Variants in SHANK1 observed in about 807,000 individuals in gnomAD.
SHANK1 encodes the protein SH3 and multiple ankyrin repeat domains protein 1.
A neutral mutation model predicts 165.6 loss-of-function variants in SHANK1; 35 were observed. That is an observed-to-expected ratio of 0.21 (90% CI 0.16 to 0.28). The LOEUF (loss-of-function observed/expected upper bound fraction) is 0.28. Ranked by LOEUF, SHANK1 falls within the 10% of genes least tolerant of loss-of-function variation. The pLI is 1.00. For missense variants in SHANK1, 2,681 were observed against 3,036.4 expected, an observed-to-expected ratio of 0.88 and a Z score of 2.75; for synonymous variants, 1,428 against 1,384.8, an observed-to-expected ratio of 1.03 and a Z score of -0.69.
In SHANK1 at chr19:50,666,489, G is replaced by A. The variant is rs755137324; in HGVS notation, c.5471C>T (p.Pro1824Leu). 2.3e-5 allele frequency: 37 copies of A among 1,596,550 alleles called. 1 individual carries two copies. Among genetic ancestry groups the A allele is most frequent in the African/African-American group, 4.0e-5 (3 of 74,808 alleles). Reference sequence around the variant, plus strand: ...AGAGGAGGCCGTCGGCAAGGGCACCGGTGGGACTTCTGGCTCTACAGCCAC... The same window carrying A: ...AGAGGAGGCCGTCGGCAAGGGCACCAGTGGGACTTCTGGCTCTACAGCCAC... ...GPVAVEPEVP[P>L]VPLPTASSLP... is the part of the protein sequence containing the mutation. The change falls in exon 23 of 24, where the codon CCG becomes CTG. Residue 1824 changes from proline to leucine, a missense_variant. Coordinates refer to ENST00000293441, the MANE Select transcript of SHANK1 (RefSeq NM_016148.5).
chr19:50,712,189 A>G, intron 6 of SHANK1, 75 bp from the exon 7 acceptor site: 1 of 1,479,056 alleles, frequency 6.8e-7, no homozygotes. Flanking sequence ...CTGAAGGGCC[A>G]GGGGGACTGG....
rs2089084557 is a variant in SHANK1, at chr19:50,717,582, G to T, written c.-43-620C>A. Reference sequence around the variant, plus strand: ...CCGTCCCAGGGGAGCAAGGGGCACTGAGATGGGGGTGTCATGGGCAGAGCA... The same window carrying T: ...CCGTCCCAGGGGAGCAAGGGGCACTTAGATGGGGGTGTCATGGGCAGAGCA... On this transcript the variant is annotated intron_variant, in intron 1 of 23. Coordinates refer to ENST00000293441, the MANE Select transcript of SHANK1 (RefSeq NM_016148.5). This position sits in a 1 kb window ranked among gnomAD's most constrained non-coding sequence, Gnocchi z 5.5. Among the ~76,000 whole-genome samples, 2 of 152,194 alleles carry T rather than the reference G, an allele frequency of 1.3e-5. No individual in the cohort carries two copies. Among genetic ancestry groups the T allele is most frequent in the Admixed American group, 1.3e-4 (2 of 15,290 alleles).
chr19:50,702,834 A>G lies in SHANK1; in HGVS notation c.1554-174T>C, dbSNP rs939006933. Among the ~76,000 whole-genome samples, 1 of 151,332 alleles carries G rather than the reference A, an allele frequency of 6.6e-6. No individual in the cohort carries two copies. The highest frequency in any genetic ancestry group is 6.6e-5 in the Admixed American group (1 of 15,244). On this transcript the variant is annotated intron_variant, in intron 11 of 23. Coordinates refer to ENST00000293441, the MANE Select transcript of SHANK1 (RefSeq NM_016148.5). This position sits in a 1 kb window ranked among gnomAD's most constrained non-coding sequence, Gnocchi z 5.3. Reference sequence around the variant, plus strand: ...TTGGGGGCTCCCTCTGCCTGCCCGCAGCTGCCCCAACCAGCCCCCTCTCCT... The same window carrying G: ...TTGGGGGCTCCCTCTGCCTGCCCGCGGCTGCCCCAACCAGCCCCCTCTCCT...
intron 21 of SHANK1, among the ~76,000 whole-genome samples, chr19:50,683,036 T>C (rs1986224169): frequency 6.6e-6 from 1 of 152,144 alleles, no homozygotes; most frequent in Admixed American, 6.5e-5. Flanking sequence ...TTTGCCATGT[T>C]GCCCACTCTG....
intron 23 of SHANK1, among the ~76,000 whole-genome samples, chr19:50,664,778 G>A (rs764053654): frequency 4.0e-5 from 6 of 151,460 alleles, no homozygotes; most frequent in East Asian, 1.9e-4. Context: ...TTTTTGAGAC[G>A]GAGTCTCACT....
At chr19:50,715,931 T>C (rs2089064308) in intron 3 of SHANK1, among the ~76,000 whole-genome samples, 1 of 152,024 alleles carries the variant, frequency 6.6e-6, no homozygotes, top group Non-Finnish European at 1.5e-5. Flanking sequence ...GGTATTATGG[T>C]ATATGTGCAC....
intron 11 of SHANK1, 145 bp downstream of exon 11, chr19:50,703,355 G>C: frequency 1.5e-6 from 1 of 665,910 alleles, no homozygotes; most frequent in Middle Eastern, 3.9e-4. Flanking sequence ...AGCTCCCAAG[G>C]CCTTGCTTTA....
At position 50,662,594 on chromosome 19, in the gene SHANK1, G is replaced by C. The variant is rs1209532622; in HGVS notation, c.5857C>G (p.Pro1953Ala). 6.4e-7 allele frequency: 1 copy of C among 1,564,414 alleles called. No individual in the cohort carries two copies. Among genetic ancestry groups the C allele is most frequent in the Non-Finnish European group, 8.7e-7 (1 of 1,154,094 alleles). Reference sequence around the variant, plus strand: ...GTAGGGGAGACCCCTGTTCCGGTGGGGAGTGGCGGCAGAGGTGGTTTGGGC... The same window carrying C: ...GTAGGGGAGACCCCTGTTCCGGTGGCGAGTGGCGGCAGAGGTGGTTTGGGC... ...NWPKPPLPPLPTGTGVSPTAA... is the reference protein window; with the variant it reads ...NWPKPPLPPLATGTGVSPTAA... The change falls in exon 24 of 24, where the codon CCC (proline) becomes GCC (alanine). Residue 1953 changes from proline (P) to alanine (A), a missense_variant. By Grantham distance (27) the Pro-to-Ala change is conservative. Coordinates refer to ENST00000293441, the MANE Select transcript of SHANK1 (RefSeq NM_016148.5). The surrounding 1 kb of genome is among the most constrained non-coding windows in gnomAD (Gnocchi z 7.7).
In SHANK1 at chr19:50,701,325, G is replaced by A. The variant is rs554378363; in HGVS notation, c.1747+1142C>T. 2.7e-5 allele frequency among the ~76,000 whole-genome samples: 4 copies of A among 149,774 alleles called. No homozygotes were observed. The East Asian group carries it at 7.9e-4, about 30-fold the overall frequency. On this transcript the variant is annotated intron_variant, in intron 12 of 23. Transcript: ENST00000293441. ...GCCTCTCAAGTAGCTGGGATTACAAGTGCGTGCCACCACACCTGGCTAATT... is the reference window on the plus strand; with the variant it reads ...GCCTCTCAAGTAGCTGGGATTACAAATGCGTGCCACCACACCTGGCTAATT...
In SHANK1 at chr19:50,659,778, C is replaced by G. The variant is rs866794693; in HGVS notation, c.*2187G>C. On this transcript the variant is annotated 3_prime_UTR_variant, in exon 24 of 24. Coordinates refer to ENST00000293441, the MANE Select transcript of SHANK1 (RefSeq NM_016148.5). ...CCCCACCCCGACCTCTCCTCCCCCC[C>G]CCACCCCCTACACCCTCCCCAACCC... is the stretch of plus-strand genomic sequence containing the variant. 1.4e-5 allele frequency among the ~76,000 whole-genome samples: 2 copies of G among 144,070 alleles called. No homozygotes were observed. Among genetic ancestry groups the G allele is most frequent in the Admixed American group, 6.8e-5 (1 of 14,682 alleles). 94.5% of individuals were successfully genotyped at this position (144,070 alleles called of 152,430 possible). A position where few individuals can be genotyped will look rare whatever the true frequency, so the allele number is the denominator to read the frequency against.
At chr19:50,683,836 G>A (rs1487817565) in intron 21 of SHANK1, among the ~76,000 whole-genome samples, 1 of 152,170 alleles carries the variant, frequency 6.6e-6, no homozygotes, top group African/African-American at 2.4e-5. Flanking sequence ...ATTTCAGCGA[G>A]TAGGCAAATT....
In SHANK1 at chr19:50,686,915, G is replaced by T; in HGVS notation, c.2390-103C>A. On this transcript the variant is annotated intron_variant, in intron 19 of 23. Coordinates refer to ENST00000293441, the MANE Select transcript of SHANK1 (RefSeq NM_016148.5). This position sits in a 1 kb window ranked among gnomAD's most constrained non-coding sequence, Gnocchi z 5.7. ...CAGCAGGTGCGGGCCAGTGGGCGTG[G>T]CGGGCGCGAGAGGGGCAGTGAGGGG... The T allele has an allele frequency of 2.8e-6, 4 of 1,442,924 alleles. No individual in the cohort carries two copies. The highest frequency in any genetic ancestry group is 3.7e-6 in the Non-Finnish European group (4 of 1,072,240). The allele number at this position is 1,442,924 out of a possible 1,614,324, so 89.4% of individuals were successfully genotyped here.
chr19:50,686,977 G>A lies in SHANK1; in HGVS notation c.2390-165C>T. 1 of 1,407,446 alleles carries A rather than the reference G, an allele frequency of 7.1e-7. No homozygotes were observed. The highest frequency in any genetic ancestry group is 9.3e-7 in the Non-Finnish European group (1 of 1,076,460). The allele number at this position is 1,407,446 out of a possible 1,614,324, so 87.2% of individuals were successfully genotyped here. On this transcript the variant is annotated intron_variant, in intron 19 of 23. Coordinates refer to ENST00000293441, the MANE Select transcript of SHANK1 (RefSeq NM_016148.5). The surrounding 1 kb of genome is among the most constrained non-coding windows in gnomAD (Gnocchi z 5.7). ...GAGGGGCGAGTCCGCCGGCGGGGTC[G>A]GGAGACGGGGGCCCTCCCGCCAGTC... is the stretch of plus-strand genomic sequence containing the variant.
rs745847067 is a variant in SHANK1, at chr19:50,697,694, T to C, written c.1862-30A>G. The C allele has an allele frequency of 1.4e-5, 22 of 1,609,640 alleles. No homozygotes were observed. The East Asian group carries it at 3.3e-4, about 24-fold the overall frequency. Reference sequence around the variant, plus strand: ...AGGGTGACAACAGACAACCTTGGACTCTTGTTTTGGAAACCACAATCCCAG... The same window carrying C: ...AGGGTGACAACAGACAACCTTGGACCCTTGTTTTGGAAACCACAATCCCAG... On this transcript the variant is annotated intron_variant, in intron 13 of 23. Coordinates refer to ENST00000293441, the MANE Select transcript of SHANK1 (RefSeq NM_016148.5). This position sits in a 1 kb window ranked among gnomAD's most constrained non-coding sequence, Gnocchi z 4.7.
intron 21 of SHANK1, among the ~76,000 whole-genome samples, chr19:50,674,405 G>A (rs191113586): frequency 6.6e-6 from 1 of 152,180 alleles, no homozygotes; most frequent in African/African-American, 2.4e-5. Context: ...GCACCTTTGG[G>A]ATGAACCCTT....
chr19:50,716,513 A>C lies in SHANK1; in HGVS notation c.256-35T>G, dbSNP rs1329235003. On this transcript the variant is annotated intron_variant, in intron 2 of 23. Coordinates refer to ENST00000293441, the MANE Select transcript of SHANK1 (RefSeq NM_016148.5). The surrounding 1 kb of genome is among the most constrained non-coding windows in gnomAD (Gnocchi z 8.4). ...GAAGAGATAGGGGCTAGGGTGGGCC[A>C]GGGGCCAGAGGAGAGCCTGAGGTGG... 1 of 1,607,392 alleles carries C rather than the reference A, an allele frequency of 6.2e-7. No individual in the cohort carries two copies. The highest frequency in any genetic ancestry group is 1.7e-5 in the Admixed American group (1 of 59,768).
chr19:50,671,974 C>G lies in SHANK1; in HGVS notation c.2674+44G>C, dbSNP rs891271953. 2.1e-6 allele frequency: 3 copies of G among 1,434,364 alleles called. No individual in the cohort carries two copies. In the South Asian group the frequency reaches 3.5e-5, roughly 17 times the overall value. 88.9% of individuals were successfully genotyped at this position (1,434,364 alleles called of 1,614,324 possible). On this transcript the variant is annotated intron_variant, in intron 22 of 23. Coordinates refer to ENST00000293441, the MANE Select transcript of SHANK1 (RefSeq NM_016148.5). ...TTGCTTTTCCTGAACTGTCACGTTC[C>G]TGGCCTCCCCCAGCCCCCACATCTC... is the stretch of plus-strand genomic sequence containing the variant.
At chr19:50,676,041 T>C (rs1471726312) in intron 21 of SHANK1, among the ~76,000 whole-genome samples, 1 of 152,016 alleles carries the variant, frequency 6.6e-6, no homozygotes, top group Non-Finnish European at 1.5e-5. Flanking sequence ...CAGTGGCTCC[T>C]GTCTGTAATC....
rs1986435249 is a variant in SHANK1 at position 50,688,560 on chromosome 19, A to G, written c.2172+284T>C. On this transcript the variant is annotated intron_variant, in intron 17 of 23. Transcript: ENST00000293441. The surrounding 1 kb of genome is among the most constrained non-coding windows in gnomAD (Gnocchi z 6.7). ...TGAGTTCAAGCAATCCACCTGCTTC[A>G]GCCTCCCAAAGCACTGGGATCACAG... is the stretch of plus-strand genomic sequence containing the variant. Among the ~76,000 whole-genome samples the G allele has an allele frequency of 6.6e-6, 1 of 152,098 alleles. No homozygotes were observed. Among genetic ancestry groups the G allele is most frequent in the Admixed American group, 6.5e-5 (1 of 15,270 alleles).
Sources: allele counts gnomAD v4.1 joint callset (sites outside exome capture counted in the v4.1 genomes callset), GRCh38; gene constraint gnomAD v4.1.1; non-coding constraint Gnocchi (gnomAD v3.1); transcripts MANE v1.5; gene names NCBI Gene and HGNC (gene_info 2026-07-23, HGNC 2026-07-21).